Variants in EDIL3 observed in about 807,000 individuals in gnomAD.
EDIL3 encodes EGF like and discoidin domains 3.
A neutral mutation model predicts 67.4 loss-of-function variants in EDIL3; 37 were observed. The ratio of observed to expected loss-of-function variants is 0.55; its 90% CI spans 0.42 to 0.72. EDIL3 has a LOEUF of 0.72. EDIL3 is among the 30% of genes least tolerant of loss of function. EDIL3 has a pLI of 0.00. For synonymous variants in EDIL3, 195 were observed against 196.3 expected, an observed-to-expected ratio of 0.99 and a Z score of 0.05; for missense variants, 527 against 586.3, an observed-to-expected ratio of 0.90 and a Z score of 1.04.
At chr5:84,162,815 T>A (rs1748638741) in intron 4 of EDIL3, among the ~76,000 whole-genome samples, 1 of 152,116 alleles carries the variant, frequency 6.6e-6, no homozygotes, top group Admixed American at 6.6e-5. Context: ...GTCCTTGATC[T>A]GTATCCAGTG....
chr5:84,212,051 C>T (rs541890483), intron 3 of EDIL3, among the ~76,000 whole-genome samples: 90 of 152,248 alleles, frequency 5.9e-4, no homozygotes, highest in African/African-American at 2.0e-3. Context: ...CTCTCCACCC[C>T]CACTTTGCTC....
chr5:83,986,467 T>C lies in EDIL3; in HGVS notation c.1138-23107A>G, dbSNP rs1183907073. On this transcript the variant is annotated intron_variant, in intron 9 of 10. Transcript: ENST00000296591. ...GAAGAGTTTTGAGGCTCTTTTCCAT[T>C]TGAAAATCTTGGCACTTCATTATGC... Among the ~76,000 whole-genome samples, 4 of 152,130 alleles carry C rather than the reference T, an allele frequency of 2.6e-5. No homozygotes were observed. In the East Asian group the frequency reaches 5.8e-4, roughly 22 times the overall value.
chr5:84,154,695 T>G, intron 4 of EDIL3, among the ~76,000 whole-genome samples: 1 of 141,394 alleles, frequency 7.1e-6, no homozygotes, highest in East Asian at 2.0e-4. Flanking sequence ...TGCTTCTGCT[T>G]TTTTTTTTTT....
At chr5:84,325,466 TA>T (rs199887126) in intron 1 of EDIL3, among the ~76,000 whole-genome samples, 3 of 151,272 alleles carry the variant, frequency 2.0e-5, no homozygotes, top group East Asian at 1.9e-4. Flanking sequence ...ATGATTATAA[TA>T]AAAAAAACAG....
Position 84,066,114 on chromosome 5 carries a change from C to CAA in EDIL3, c.807+335_807+336dup, listed in dbSNP as rs1177616777. On this transcript the variant is annotated intron_variant, in intron 7 of 10. Coordinates refer to ENST00000296591, the MANE Select transcript of EDIL3 (RefSeq NM_005711.5). ...TGGGCAACAGAGTGAGACTTTGTCT[C>CAA]AAAAAAAAAAAAAAAAAAAGTGCGT... Among the ~76,000 whole-genome samples the CAA allele has an allele frequency of 7.3e-4, 46 of 63,090 alleles. 1 individual carries two copies. The highest frequency in any genetic ancestry group is 5.9e-3 in the South Asian group (9 of 1,538). The allele number at this position is 63,090 out of a possible 152,430, so 41.4% of individuals were successfully genotyped here.
At chr5:84,033,736 GAAAAGATTTGGAAAAGAAATTC>G (rs1745970040) in intron 9 of EDIL3, among the ~76,000 whole-genome samples, 1 of 143,054 alleles carries the variant, frequency 7.0e-6, no homozygotes, top group South Asian at 2.2e-4. Flanking sequence ...ATGGAAAAAA[GAAAAGATTTGGAAAAGAAATTC>G]AAAGAATCTG....
intron 9 of EDIL3, among the ~76,000 whole-genome samples, chr5:83,980,820 A>G (rs1369812547): frequency 6.6e-6 from 1 of 151,342 alleles, no homozygotes; most frequent in Non-Finnish European, 1.5e-5. Flanking sequence ...TCACTATATA[A>G]AAGTCAACTG....
chr5:84,265,486 A>G (rs183079585), intron 1 of EDIL3, among the ~76,000 whole-genome samples: 53 of 152,340 alleles, frequency 3.5e-4, no homozygotes, highest in Non-Finnish European at 1.2e-4. Flanking sequence ...AAGAAATCAT[A>G]TTTTAAAAGT....
intron 5 of EDIL3, among the ~76,000 whole-genome samples, chr5:84,132,391 ATATATAATATATAT>A (rs1561440611): frequency 2.9e-4 from 23 of 78,986 alleles, no homozygotes; most frequent in African/African-American, 1.4e-3. Context: ...AATATATTTT[ATATATAATATATAT>A]TTTAACATAT....
At chr5:84,106,392 TG>T (rs199824930) in intron 6 of EDIL3, among the ~76,000 whole-genome samples, 1,867 of 152,252 alleles carry the variant, frequency 0.012, 21 homozygotes, top group Non-Finnish European at 0.018. Flanking sequence ...TCTCCTGCTT[TG>T]ATATGCACCT....
intron 1 of EDIL3, among the ~76,000 whole-genome samples, chr5:84,257,231 T>A (rs921901515): frequency 6.6e-6 from 1 of 152,148 alleles, no homozygotes; most frequent in Non-Finnish European, 1.5e-5. Flanking sequence ...TAGATGATAA[T>A]GCTAAATCGA....
chr5:84,328,343 T>C (rs552599909), intron 1 of EDIL3, among the ~76,000 whole-genome samples: 1 of 152,098 alleles, frequency 6.6e-6, no homozygotes, highest in African/African-American at 2.4e-5. Flanking sequence ...CCCAAAATGC[T>C]TCCCCCCGTC....
intron 6 of EDIL3, among the ~76,000 whole-genome samples, chr5:84,085,090 T>C (rs1286207167): frequency 6.6e-6 from 1 of 152,208 alleles, no homozygotes; most frequent in Non-Finnish European, 1.5e-5. Context: ...TAACTGTAAA[T>C]GTGTGAAACA....
intron 1 of EDIL3, among the ~76,000 whole-genome samples, chr5:84,350,509 C>A (rs6889808): frequency 0.4 from 61,032 of 151,688 alleles, 12,882 homozygotes; most frequent in Middle Eastern, 0.5. Flanking sequence ...ACTTCTAAAT[C>A]TTGCATATAG....
At chr5:84,079,826 TA>T (rs1246126694) in intron 6 of EDIL3, among the ~76,000 whole-genome samples, 1 of 151,988 alleles carries the variant, frequency 6.6e-6, no homozygotes, top group Admixed American at 6.6e-5. Context: ...AAAGCACAGT[TA>T]AAAAAGTTAC....
intron 9 of EDIL3, among the ~76,000 whole-genome samples, chr5:83,984,210 C>T (rs1480035247): frequency 6.6e-6 from 1 of 151,812 alleles, no homozygotes; most frequent in East Asian, 1.9e-4. Flanking sequence ...TGAGACAAGT[C>T]GAGCAAGGCA....
chr5:84,119,212 G>GTTTTTTTTTT (rs66522256), intron 5 of EDIL3, among the ~76,000 whole-genome samples: 6 of 82,328 alleles, frequency 7.3e-5, no homozygotes, highest in South Asian at 5.5e-4. Flanking sequence ...CATGCATTTG[G>GTTTTTTTTTT]TTTTTTTTTT....
chr5:84,307,759 G>C (rs781108560), intron 1 of EDIL3, among the ~76,000 whole-genome samples: 71 of 152,226 alleles, frequency 4.7e-4, no homozygotes, highest in Non-Finnish European at 8.2e-4. Flanking sequence ...AAAAATACAG[G>C]AGGAGAAATG....
At chr5:84,291,270 A>G (rs747137030) in intron 1 of EDIL3, among the ~76,000 whole-genome samples, 7 of 152,168 alleles carry the variant, frequency 4.6e-5, no homozygotes, top group Non-Finnish European at 7.4e-5. Context: ...ATGTCAGCCA[A>G]ATGATATTAG....
Sources: allele counts gnomAD v4.1 joint callset (sites outside exome capture counted in the v4.1 genomes callset), GRCh38; gene constraint gnomAD v4.1.1; transcripts MANE v1.5; gene names NCBI Gene and HGNC (gene_info 2026-07-23, HGNC 2026-07-21).